ITGA2B: variants seen among roughly 807,000 people sequenced by gnomAD.
The protein encoded by ITGA2B is integrin alpha-IIb.
A neutral mutation model predicts 142.0 loss-of-function variants in ITGA2B; 91 were observed. The ratio of observed to expected loss-of-function variants is 0.64; its 90% confidence interval spans 0.54 to 0.76. ITGA2B has a LOEUF of 0.76. Ranked by LOEUF, ITGA2B falls within the 30% of genes least tolerant of loss-of-function variation. The pLI is 0.00. For synonymous variants in ITGA2B, 536 were observed against 567.2 expected, an observed-to-expected ratio of 0.94 and a Z score of 0.78; for missense variants, 1,231 against 1,350.8, an observed-to-expected ratio of 0.91 and a Z score of 1.39.
At position 44,380,454 on chromosome 17, in the gene ITGA2B, C is replaced by T; in HGVS notation, c.1476G>A (p.Leu492=). ...QPVVKASVQL[L]VQDSLNPAVK... ...CAGCAGGATTCAGTGAATCTTGCACCAGTAGCTGGACAGAGGCCTTCACCA... is the reference window on the plus strand; with the variant it reads ...CAGCAGGATTCAGTGAATCTTGCACTAGTAGCTGGACAGAGGCCTTCACCA... The change falls in exon 15 of 30, where the codon CTG becomes CTA. Residue 492 remains leucine (L), a synonymous_variant. Coordinates refer to ENST00000262407, the MANE Select transcript of ITGA2B (RefSeq NM_000419.5). 1 of 1,614,138 alleles carries T rather than the reference C, an allele frequency of 6.2e-7. No homozygotes were observed. The highest frequency in any genetic ancestry group is 8.5e-7 in the Non-Finnish European group (1 of 1,180,002).
At position 44,379,753 on chromosome 17, in the gene ITGA2B, G is replaced by T. The variant is rs141778911; in HGVS notation, c.1814C>A (p.Pro605Gln). Reference sequence around the variant, plus strand: ...AGGGGCCATTCCAGCCTCCGTGGGCGGTAGGGACACATTGAGGCTGAGCAC... The same window carrying T: ...AGGGGCCATTCCAGCCTCCGTGGGCTGTAGGGACACATTGAGGCTGAGCAC... The part of the protein sequence containing the change: ...PIVLSLNVSL[P>Q]PTEAGMAPAV... Residue 605 changes from proline to glutamine, a missense_variant, in exon 18 of 30, where the codon CCG becomes CAG. Physicochemically the swap from Pro to Gln is moderately conservative, Grantham distance 76. Coordinates refer to ENST00000262407, the MANE Select transcript of ITGA2B (RefSeq NM_000419.5). 3 of 1,613,926 alleles carry T rather than the reference G, an allele frequency of 1.9e-6. No homozygotes were observed. The Admixed American group carries it at 5.0e-5, about 27-fold the overall frequency.
chr17:44,389,302 T>C lies in ITGA2B; in HGVS notation c.172A>G (p.Lys58Glu). 6.2e-7 allele frequency: 1 copy of C among 1,614,182 alleles called. No individual in the cohort carries two copies. Among genetic ancestry groups the C allele is most frequent in the African/African-American group, 1.3e-5 (1 of 75,058 alleles). The change falls in exon 1 of 30, where the codon AAG (lysine) becomes GAG (glutamate). Residue 58 changes from lysine (K) to glutamate (E), a missense_variant. Physicochemically the swap from Lys to Glu is moderately conservative, Grantham distance 56. This residue lies in a region of ITGA2B where 318 missense variants were observed against 312.2 expected (regional missense o/e 1.02). Transcript: ENST00000262407. ...SQFGFSLDFH[K>E]DSHGRVAIVV... ...ACGGCTCACCTCCCATGGCTGTCCT[T>C]GTGGAAGTCCAGTGAAAATCCAAAC...
Position 44,385,678 on chromosome 17 carries a change from C to A in ITGA2B, c.447G>T (p.Lys149Asn), listed in dbSNP as rs2048641804. The A allele has an allele frequency of 1.2e-6, 2 of 1,613,646 alleles. No individual in the cohort carries two copies. The highest frequency in any genetic ancestry group is 1.7e-5 in the Admixed American group (1 of 60,012). Reference sequence around the variant, plus strand: ...CGGGCGTCTTCTCAGCCTCCTCAGTCTTTTCTAGGACGTTCCAGTGCTGCC... The same window carrying A: ...CGGGCGTCTTCTCAGCCTCCTCAGTATTTTCTAGGACGTTCCAGTGCTGCC... ...APWQHWNVLE[K>N]TEEAEKTPVG... The change falls in exon 4 of 30, where the codon AAG becomes AAT. Residue 149 changes from lysine to asparagine, a missense_variant. This residue lies in a region of ITGA2B where 318 missense variants were observed against 312.2 expected (regional missense o/e 1.02). Transcript: ENST00000262407.
Position 44,384,153 on chromosome 17 carries a change from C to T in ITGA2B, c.892-15G>A, listed in dbSNP as rs758512186. 2.2e-5 allele frequency: 35 copies of T among 1,612,450 alleles called. No individual in the cohort carries two copies. The highest frequency in any genetic ancestry group is 2.9e-5 in the Non-Finnish European group (34 of 1,179,504). On this transcript the variant is annotated splice_polypyrimidine_tract_variant and intron_variant, in intron 9 of 29. Transcript: ENST00000262407. ...AAAATTTCCACCTGCACGGACAGCG[C>T]AGGCGAGAGCATCATTCTTGTACCC...
intron 14 of ITGA2B, 25 bp from the exon 15 acceptor site, chr17:44,380,515 G>A (rs2048586093): frequency 2.5e-6 from 4 of 1,613,836 alleles, no homozygotes; most frequent in Non-Finnish European, 3.4e-6. Flanking sequence ...TGATGGGGTA[G>A]GCTTGCCATT....
At chr17:44,377,408 C>A (rs1256041842) in intron 21 of ITGA2B, among the ~76,000 whole-genome samples, 1 of 152,000 alleles carries the variant, frequency 6.6e-6, no homozygotes, top group Non-Finnish European at 1.5e-5. Flanking sequence ...GTTGGCCAGG[C>A]TGGTCTTGAA....
In ITGA2B at chr17:44,385,727, G is replaced by A. The variant is rs1380711193; in HGVS notation, c.409-11C>T. 1.2e-6 allele frequency: 2 copies of A among 1,613,434 alleles called. No individual in the cohort carries two copies. The highest frequency in any genetic ancestry group is 2.2e-5 in the East Asian group (1 of 44,884). ...CCAGGGGGCGCAGGCCTGGAGAAAG[G>A]CCACAGGAGTGGGGACGGGCGCGAG... On this transcript the variant is annotated splice_polypyrimidine_tract_variant and intron_variant, in intron 3 of 29. Transcript: ENST00000262407.
At chr17:44,389,193 T>C in intron 1 of ITGA2B, 93 bp downstream of exon 1, 32 of 1,388,960 alleles carry the variant, frequency 2.3e-5, no homozygotes, top group Non-Finnish European at 3.1e-5. Flanking sequence ...CTTGCTCAAC[T>C]GCTATCGCAA....
chr17:44,372,269 C>T lies in ITGA2B; in HGVS notation c.*95G>A, dbSNP rs2048503599. ...ACGACACCAAGAGGACCCAATGGAACAGCTCCAACCCAAAGCTTGGAGGCA... is the reference window on the plus strand; with the variant it reads ...ACGACACCAAGAGGACCCAATGGAATAGCTCCAACCCAAAGCTTGGAGGCA... On this transcript the variant is annotated 3_prime_UTR_variant, in exon 30 of 30. Coordinates refer to ENST00000262407, the MANE Select transcript of ITGA2B (RefSeq NM_000419.5). 2 of 1,297,086 alleles carry T rather than the reference C, an allele frequency of 1.5e-6. No individual in the cohort carries two copies. The highest frequency in any genetic ancestry group is 2.3e-5 in the East Asian group (1 of 42,774). The allele number at this position is 1,297,086 out of a possible 1,614,324, so 80.3% of individuals were successfully genotyped here. A position where few individuals can be genotyped will look rare whatever the true frequency, so the allele number is the denominator to read the frequency against.
At chr17:44,381,522 G>T (rs2048597455) in intron 12 of ITGA2B, among the ~76,000 whole-genome samples, 1 of 151,990 alleles carries the variant, frequency 6.6e-6, no homozygotes, top group African/African-American at 2.4e-5. Context: ...TAGAGACGGG[G>T]TTTCACCACA....
intron 9 of ITGA2B, 81 bp from the exon 10 acceptor site, chr17:44,384,219 G>T: frequency 6.3e-7 from 1 of 1,595,626 alleles, no homozygotes; most frequent in Non-Finnish European, 8.6e-7. Context: ...GTGGTTTGGT[G>T]GAGGCGGGGC....
At position 44,386,047 on chromosome 17, in the gene ITGA2B, G is replaced by A; in HGVS notation, c.273C>T (p.Ala91=). Residue 91 remains alanine (A), a synonymous_variant, in exon 2 of 30, where the codon GCC becomes GCT. Transcript: ENST00000262407. The part of the protein sequence containing the change: ...TGGVFLCPWR[A]EGGQCPSLLF... Reference sequence around the variant, plus strand: ...GCAGCGAGGGGCACTGGCCGCCCTCGGCCCTCCAGGGGCACAGGAACACGC... The same window carrying A: ...GCAGCGAGGGGCACTGGCCGCCCTCAGCCCTCCAGGGGCACAGGAACACGC... 2 of 1,612,938 alleles carry A rather than the reference G, an allele frequency of 1.2e-6. No individual in the cohort carries two copies. The highest frequency in any genetic ancestry group is 1.7e-6 in the Non-Finnish European group (2 of 1,179,912).
chr17:44,379,686 T>C lies in ITGA2B; in HGVS notation c.1878+3A>G. The stretch of plus-strand genomic sequence containing the variant: ...TCCCTGGCCTGTCCCTGCCTGTCCC[T>C]ACCTGCTCCTGCACATGGGTGTCTC... On this transcript the variant is annotated splice_donor_region_variant and intron_variant, in intron 18 of 29. Transcript: ENST00000262407. The C allele has an allele frequency of 6.2e-7, 1 of 1,613,700 alleles. No individual in the cohort carries two copies. Among genetic ancestry groups the C allele is most frequent in the Non-Finnish European group, 8.5e-7 (1 of 1,179,944 alleles).
In ITGA2B at chr17:44,381,204, C is replaced by G. The variant is rs2048594721; in HGVS notation, c.1211-143G>C. On this transcript the variant is annotated intron_variant, in intron 12 of 29. Transcript: ENST00000262407. Reference sequence around the variant, plus strand: ...GTGGGTGAAGGAGGCACTGCCCTACCCTCCAGGAGTTAACAATCAGGTGGG... The same window carrying G: ...GTGGGTGAAGGAGGCACTGCCCTACGCTCCAGGAGTTAACAATCAGGTGGG... 5 of 718,762 alleles carry G rather than the reference C, an allele frequency of 7.0e-6. No homozygotes were observed. In the East Asian group the frequency reaches 1.4e-4, roughly 20 times the overall value. The allele number at this position is 718,762 out of a possible 1,614,324, so 44.5% of individuals were successfully genotyped here.
At chr17:44,373,182 G>A (rs1007205860) in intron 29 of ITGA2B, among the ~76,000 whole-genome samples, 1 of 151,850 alleles carries the variant, frequency 6.6e-6, no homozygotes, top group African/African-American at 2.4e-5. Context: ...ATCTCACCCA[G>A]GCTGGAGTGC....
Position 44,384,094 on chromosome 17 carries a change from G to A in ITGA2B, c.936C>T (p.Arg312=), listed in dbSNP as rs775270140. 6.2e-7 allele frequency: 1 copy of A among 1,613,562 alleles called. No homozygotes were observed. Among genetic ancestry groups the A allele is most frequent in the Admixed American group, 1.7e-5 (1 of 60,008 alleles). The change falls in exon 10 of 30, where the codon CGC becomes CGT. Residue 312 remains arginine (R), a synonymous_variant. Coordinates refer to ENST00000262407, the MANE Select transcript of ITGA2B (RefSeq NM_000419.5). Reference sequence around the variant, plus strand: ...GGGACCTGGCCCCCACCTGCTCTCCGCGCAGCCGATGCAGCCTCTGGTAGT... The same window carrying A: ...GGGACCTGGCCCCCACCTGCTCTCCACGCAGCCGATGCAGCCTCTGGTAGT... ...DSYYQRLHRL[R]GEQMASYFGH...
chr17:44,381,399 G>A (rs902786768), intron 12 of ITGA2B, among the ~76,000 whole-genome samples: 2 of 151,326 alleles, frequency 1.3e-5, no homozygotes, highest in Non-Finnish European at 2.9e-5. Context: ...GTGCGATCTC[G>A]GCTCACTGCA....
At chr17:44,381,274 C>A (rs1198420914) in intron 12 of ITGA2B, among the ~76,000 whole-genome samples, 1 of 152,180 alleles carries the variant, frequency 6.6e-6, no homozygotes, top group African/African-American at 2.4e-5. Flanking sequence ...AGTGACAACT[C>A]TCACTGTCTA....
At chr17:44,384,222 G>A in intron 9 of ITGA2B, 84 bp from the exon 10 acceptor site, 1 of 1,584,848 alleles carries the variant, frequency 6.3e-7, no homozygotes. Context: ...GTTTGGTGGA[G>A]GCGGGGCGGG....
Sources: gnomAD v4.1 joint callset for allele counts (sites outside exome capture counted in the v4.1 genomes callset) on GRCh38, gnomAD v4.1.1 for gene constraint, gnomAD v4.1.1 regional missense constraint, MANE v1.5 for transcripts, NCBI Gene and HGNC (gene_info 2026-07-23, HGNC 2026-07-21) for gene names.